The following ACTL8 variants were observed in gnomAD, a reference collection of about 807,000 sequenced individuals.
ACTL8 encodes actin like 8.
A neutral mutation model predicts 9.3 loss-of-function variants in ACTL8; 3 were observed. The observed-to-expected ratio is 0.32, with a 90% CI of 0.15 to 0.83. The LOEUF (loss-of-function observed/expected upper bound fraction) is 0.83. ACTL8 is among the 40% of genes least tolerant of loss of function. The pLI is 0.57. For synonymous variants in ACTL8, 224 were observed against 205.9 expected, an observed-to-expected ratio of 1.09 and a Z score of -0.75; for missense variants, 381 against 492.2, an observed-to-expected ratio of 0.77 and a Z score of 2.14.
At chr1:17,824,716 T>G (rs1374180833) in intron 2 of ACTL8, among the ~76,000 whole-genome samples, 1 of 152,208 alleles carries the variant, frequency 6.6e-6, no homozygotes, top group Non-Finnish European at 1.5e-5. Context: ...TAGTTTTATT[T>G]GCTGAATTTG....
chr1:17,782,407 A>C (rs937026821), intron 1 of ACTL8, among the ~76,000 whole-genome samples: 1 of 152,232 alleles, frequency 6.6e-6, no homozygotes, highest in Non-Finnish European at 1.5e-5. Flanking sequence ...CTATAAAGCA[A>C]TATCTGTCCA....
At chr1:17,772,714 C>T (rs1557429742) in intron 1 of ACTL8, among the ~76,000 whole-genome samples, 2 of 152,194 alleles carry the variant, frequency 1.3e-5, no homozygotes, top group South Asian at 4.1e-4. Flanking sequence ...GCATCCCTAG[C>T]TCCCAGCTCC....
chr1:17,769,602 G>T (rs544113256), intron 1 of ACTL8, among the ~76,000 whole-genome samples: 1 of 152,108 alleles, frequency 6.6e-6, no homozygotes, highest in Non-Finnish European at 1.5e-5. Context: ...GGTGGTGATC[G>T]TGGCAGGGTG....
intron 1 of ACTL8, among the ~76,000 whole-genome samples, chr1:17,755,926 G>A (rs577045247): frequency 6.7e-6 from 1 of 149,044 alleles, no homozygotes; most frequent in African/African-American, 2.5e-5. Flanking sequence ...TCTTTTTGGG[G>A]CTCTATTTCA....
chr1:17,786,235 G>A (rs1328248076), intron 1 of ACTL8, among the ~76,000 whole-genome samples: 1 of 152,208 alleles, frequency 6.6e-6, no homozygotes, highest in African/African-American at 2.4e-5. Flanking sequence ...GCCATCACAG[G>A]AGAGAGGATT....
chr1:17,797,861 G>C (rs973572433), intron 1 of ACTL8, among the ~76,000 whole-genome samples: 1 of 152,192 alleles, frequency 6.6e-6, no homozygotes, highest in African/African-American at 2.4e-5. Context: ...TCCAGCAAAC[G>C]GGAGCCAATG....
intron 1 of ACTL8, among the ~76,000 whole-genome samples, chr1:17,819,012 TCTTTTAC>T (rs1223759701): frequency 2.6e-5 from 4 of 152,228 alleles, no homozygotes; most frequent in Non-Finnish European, 5.9e-5. Context: ...ATCCAAACTT[TCTTTTAC>T]AGTCATGTGC....
chr1:17,782,538 G>A (rs1388388510), intron 1 of ACTL8, among the ~76,000 whole-genome samples: 2 of 152,146 alleles, frequency 1.3e-5, no homozygotes, highest in Non-Finnish European at 2.9e-5. Flanking sequence ...CTTCTTCTCT[G>A]TATTTTATTT....
chr1:17,763,848 C>T (rs2066025199), intron 1 of ACTL8, among the ~76,000 whole-genome samples: 5 of 152,164 alleles, frequency 3.3e-5, no homozygotes, highest in Admixed American at 3.3e-4. Flanking sequence ...CCTCGGGAAA[C>T]AGGGGTTGGC....
chr1:17,813,696 T>C (rs1200300975), intron 1 of ACTL8, among the ~76,000 whole-genome samples: 1 of 152,234 alleles, frequency 6.6e-6, no homozygotes, highest in Non-Finnish European at 1.5e-5. Flanking sequence ...ACCGTTAGTA[T>C]TATTTCTTCC....
Position 17,767,911 on chromosome 1 carries a change from G to A in ACTL8, c.-25+12407G>A, listed in dbSNP as rs887224159. Among the ~76,000 whole-genome samples the A allele has an allele frequency of 6.6e-5, 10 of 152,218 alleles. No individual in the cohort carries two copies. Among genetic ancestry groups the A allele is most frequent in the African/African-American group, 2.4e-4 (10 of 41,546 alleles). Reference sequence around the variant, plus strand: ...ATGAGGCCCCAGCCTCCCTGGGTGTGCAGAATGGGTGCTCGTGAATCCCTC... The same window carrying A: ...ATGAGGCCCCAGCCTCCCTGGGTGTACAGAATGGGTGCTCGTGAATCCCTC... On this transcript the variant is annotated intron_variant, in intron 1 of 2. Coordinates refer to ENST00000375406, the MANE Select transcript of ACTL8 (RefSeq NM_030812.3). The surrounding 1 kb of genome is among the most constrained non-coding windows in gnomAD (Gnocchi z 4.7).
chr1:17,820,454 A>G (rs949131776), intron 1 of ACTL8, among the ~76,000 whole-genome samples: 3 of 152,168 alleles, frequency 2.0e-5, no homozygotes, highest in Non-Finnish European at 2.9e-5. Flanking sequence ...GAATAAGGCT[A>G]TCTGGCTACT....
chr1:17,799,286 T>A (rs1260931251), intron 1 of ACTL8, among the ~76,000 whole-genome samples: 1 of 152,252 alleles, frequency 6.6e-6, no homozygotes, highest in East Asian at 1.9e-4. Flanking sequence ...CCAGCACCTG[T>A]TGGCGATCGT....
intron 1 of ACTL8, among the ~76,000 whole-genome samples, chr1:17,809,971 T>G (rs552943408): frequency 1.3e-5 from 2 of 152,346 alleles, no homozygotes; most frequent in South Asian, 4.1e-4. Flanking sequence ...ATACAGTGTC[T>G]AGATTTAACT....
intron 1 of ACTL8, among the ~76,000 whole-genome samples, chr1:17,812,935 C>A (rs2066402935): frequency 6.6e-6 from 1 of 152,090 alleles, no homozygotes. Flanking sequence ...TAAAGAAACA[C>A]TTTTCAGCGA....
chr1:17,798,307 A>G (rs539646308), intron 1 of ACTL8, among the ~76,000 whole-genome samples: 1 of 152,088 alleles, frequency 6.6e-6, no homozygotes, highest in African/African-American at 2.4e-5. Flanking sequence ...CTCATGGTCT[A>G]GGTGGGAGCT....
chr1:17,765,400 T>C (rs1398585875), intron 1 of ACTL8, among the ~76,000 whole-genome samples: 2 of 152,128 alleles, frequency 1.3e-5, no homozygotes, highest in African/African-American at 4.8e-5. Context: ...CTGCTTGAGC[T>C]CTACCTACAG....
chr1:17,800,762 T>G (rs11583553), intron 1 of ACTL8, among the ~76,000 whole-genome samples: 24,700 of 151,466 alleles, frequency 0.16, 2,724 homozygotes, highest in African/African-American at 0.31. Flanking sequence ...GCCTGGCTAA[T>G]TTTTGTATTT....
intron 1 of ACTL8, among the ~76,000 whole-genome samples, chr1:17,788,577 G>A (rs771859310): frequency 1.3e-5 from 2 of 152,238 alleles, no homozygotes; most frequent in Non-Finnish European, 2.9e-5. Flanking sequence ...ATGCTTCAAG[G>A]ATGACAGCTG....
Sources: allele counts gnomAD v4.1 joint callset (sites outside exome capture counted in the v4.1 genomes callset), GRCh38; gene constraint gnomAD v4.1.1; non-coding constraint Gnocchi (gnomAD v3.1); transcripts MANE v1.5; gene names NCBI Gene and HGNC (gene_info 2026-07-23, HGNC 2026-07-21).